KIAA1210: variants seen among roughly 807,000 people sequenced by gnomAD.
KIAA1210 encodes the protein acrosomal protein KIAA1210.
In KIAA1210, 48 loss-of-function variants were observed where a neutral mutation model predicts 78.9. The observed-to-expected ratio is 0.61, with a 90% CI of 0.48 to 0.77. The LOEUF (loss-of-function observed/expected upper bound fraction) is 0.77, where lower values mean the gene tolerates loss of function less well. Ranked by LOEUF, KIAA1210 falls within the 30% of genes least tolerant of loss-of-function variation. The pLI is 0.00. For missense variants in KIAA1210, 1,108 were observed against 1,100.0 expected (o/e 1.01, Z -0.10); for synonymous variants, 406 against 404.5 (o/e 1.00, Z -0.04).
intron 2 of KIAA1210, among the ~76,000 whole-genome samples, chrX:119,118,411 C>A (rs1928344702): frequency 8.9e-6 from 1 of 112,132 alleles, no homozygotes; most frequent in Non-Finnish European, 1.9e-5. Context: ...CTGGAAAATT[C>A]TGGATTAGAC....
At chrX:119,135,582 G>A (rs985030719) in intron 2 of KIAA1210, among the ~76,000 whole-genome samples, 27 of 111,655 alleles carry the variant, frequency 2.4e-4, no homozygotes, top group Non-Finnish European at 2.1e-4. Context: ...TGTGTTGGGT[G>A]CCAAGAGCTC....
intron 3 of KIAA1210, among the ~76,000 whole-genome samples, chrX:119,114,521 A>T (rs896439200): frequency 3.6e-5 from 4 of 112,345 alleles, no homozygotes; most frequent in African/African-American, 1.3e-4. Flanking sequence ...ATACACGCAT[A>T]CGCTCAGTAT....
chrX:119,134,948 G>C (rs929517661), intron 2 of KIAA1210, among the ~76,000 whole-genome samples: 4 of 112,650 alleles, frequency 3.6e-5, no homozygotes, highest in Non-Finnish European at 7.5e-5. Flanking sequence ...TCCTCAGTCT[G>C]TGCCAGGCAG....
At chrX:119,148,340 T>C (rs192613763) in intron 1 of KIAA1210, among the ~76,000 whole-genome samples, 4 of 111,603 alleles carry the variant, frequency 3.6e-5, no homozygotes, top group African/African-American at 1.3e-4. Flanking sequence ...AATCTTTGTA[T>C]TGCCACTGAC....
chrX:119,091,621 C>G (rs1927370234), intron 8 of KIAA1210, among the ~76,000 whole-genome samples: 1 of 111,788 alleles, frequency 8.9e-6, no homozygotes, highest in African/African-American at 3.3e-5. Context: ...TGCCTTTCTT[C>G]CCTCACTATC....
intron 2 of KIAA1210, among the ~76,000 whole-genome samples, chrX:119,122,362 G>T (rs968628869): frequency 3.6e-5 from 4 of 111,726 alleles, no homozygotes; most frequent in Non-Finnish European, 7.5e-5. Flanking sequence ...GAGCCACCAC[G>T]CCCAGCTGGA....
chrX:119,081,258 C>T lies in KIAA1210; in HGVS notation c.*71G>A, dbSNP rs1926946937. On this transcript the variant is annotated 3_prime_UTR_variant, in exon 12 of 12. Coordinates refer to ENST00000691062, the MANE Select transcript of KIAA1210 (RefSeq NM_001394962.1). ...CTCCAATCTGGGTAACAGAGCGAGA[C>T]TCTGTCTCAAAAAAAAAAAAAAAAA... is the stretch of plus-strand genomic sequence containing the variant. The T allele has an allele frequency of 3.1e-5, 26 of 851,091 alleles. No individual in the cohort carries two copies. The highest frequency in any genetic ancestry group is 2.1e-4 in the Admixed American group (5 of 23,692). The allele number at this position is 851,091 out of a possible 1,213,427, so 70.1% of individuals were successfully genotyped here.
At chrX:119,107,416 A>ACTTGGT (rs1344436257) in intron 5 of KIAA1210, among the ~76,000 whole-genome samples, 1 of 112,479 alleles carries the variant, frequency 8.9e-6, no homozygotes, top group East Asian at 2.8e-4. Flanking sequence ...CCCTGTTGCC[A>ACTTGGT]CTTGGTCATG....
At chrX:119,121,130 C>T (rs1928444647) in intron 2 of KIAA1210, among the ~76,000 whole-genome samples, 1 of 111,187 alleles carries the variant, frequency 9.0e-6, no homozygotes, top group African/African-American at 3.3e-5. Context: ...CTTTTGAAAC[C>T]CTAATGGAAT....
chrX:119,148,104 C>T (rs1929211371), intron 1 of KIAA1210, among the ~76,000 whole-genome samples: 1 of 111,514 alleles, frequency 9.0e-6, no homozygotes, highest in Non-Finnish European at 1.9e-5. Flanking sequence ...TGTTCCACTG[C>T]ACTCCAGCCT....
chrX:119,123,437 A>G, intron 2 of KIAA1210, 145 bp downstream of exon 2: 1 of 457,388 alleles, frequency 2.2e-6, no homozygotes, highest in South Asian at 4.2e-5. Flanking sequence ...GTGCCAAAGA[A>G]GAAATTAGAA....
At chrX:119,100,086 T>G (rs752943336) in intron 6 of KIAA1210, among the ~76,000 whole-genome samples, 1 of 110,485 alleles carries the variant, frequency 9.1e-6, no homozygotes, top group African/African-American at 3.3e-5. Context: ...GGCTCACACC[T>G]GTAATCCTAG....
chrX:119,110,682 A>T (rs754744557), intron 3 of KIAA1210, among the ~76,000 whole-genome samples: 3 of 111,751 alleles, frequency 2.7e-5, no homozygotes, highest in Non-Finnish European at 5.6e-5. Context: ...AATTAAGAAA[A>T]CACTTCCCTT....
intron 2 of KIAA1210, among the ~76,000 whole-genome samples, chrX:119,137,783 C>T (rs1032454726): frequency 1.8e-5 from 2 of 112,251 alleles, no homozygotes; most frequent in Non-Finnish European, 3.8e-5. Context: ...AAAACATGGG[C>T]CACCCCTGCT....
At chrX:119,137,899 C>G (rs1928952834) in intron 2 of KIAA1210, among the ~76,000 whole-genome samples, 3 of 111,571 alleles carry the variant, frequency 2.7e-5, no homozygotes, top group African/African-American at 3.3e-5. Flanking sequence ...GGCTAGATGC[C>G]AGAAATGAGG....
Position 119,116,651 on chromosome X carries a change from G to A in KIAA1210, c.75C>T (p.Cys25=). 1 of 1,200,597 alleles carries A rather than the reference G, an allele frequency of 8.3e-7. No individual in the cohort carries two copies. Among genetic ancestry groups the A allele is most frequent in the Non-Finnish European group, 1.1e-6 (1 of 888,840 alleles). Residue 25 remains cysteine (C), a synonymous_variant, in exon 3 of 12, where the codon TGC becomes TGT. Coordinates refer to ENST00000691062, the MANE Select transcript of KIAA1210 (RefSeq NM_001394962.1). Reference sequence around the variant, plus strand: ...AAAAGCTCTTAAGGGCTTTAAATTTGCATTTCTTCTTTCCTGGAAGTGAAA... The same window carrying A: ...AAAAGCTCTTAAGGGCTTTAAATTTACATTTCTTCTTTCCTGGAAGTGAAA... ...LEAGDEGKKK[C]KFKALKSFFV...
At chrX:119,110,393 T>C (rs968247753) in intron 3 of KIAA1210, among the ~76,000 whole-genome samples, 2 of 112,071 alleles carry the variant, frequency 1.8e-5, no homozygotes, top group Non-Finnish European at 3.8e-5. Context: ...GCTGGATATA[T>C]TCCCCCTAAG....
Position 119,089,381 on chromosome X carries a change from T to A in KIAA1210, c.1321A>T (p.Met441Leu). 1 of 1,211,835 alleles carries A rather than the reference T, an allele frequency of 8.3e-7. No individual in the cohort carries two copies. The highest frequency in any genetic ancestry group is 1.1e-6 in the Non-Finnish European group (1 of 895,468). Reference protein sequence around the residue: ...PQGLLSDKDDMGRRNAGIDFG... With the variant: ...PQGLLSDKDDLGRRNAGIDFG... ...TCTATGCCAGCATTTCTCCTTCCCA[T>A]GTCATCTTTATCTGAAAGCAACCCC... is the stretch of plus-strand genomic sequence containing the variant. Residue 441 changes from methionine (M) to leucine (L), a missense_variant, in exon 9 of 12, where the codon ATG becomes TTG. Met to Leu is a conservative substitution (Grantham distance 15). This residue lies in a region of KIAA1210 where 672 missense variants were observed against 607.1 expected (regional missense o/e 1.11). Coordinates refer to ENST00000691062, the MANE Select transcript of KIAA1210 (RefSeq NM_001394962.1).
chrX:119,123,707 G>C, intron 1 of KIAA1210, 55 bp from the exon 2 acceptor site: 1 of 784,498 alleles, frequency 1.3e-6, no homozygotes, highest in Non-Finnish European at 1.9e-6. Context: ...TATTCAGGGC[G>C]TAATGCAATC....
Sources: allele counts gnomAD v4.1 joint callset (sites outside exome capture counted in the v4.1 genomes callset), GRCh38; gene constraint gnomAD v4.1.1; regional missense constraint gnomAD v4.1.1; transcripts MANE v1.5; gene names NCBI Gene and HGNC (gene_info 2026-07-23, HGNC 2026-07-21).